Variants in SV2B observed in about 807,000 individuals in gnomAD.
SV2B encodes the protein solute carrier family 22 member B2.
Under a neutral mutation model 73.9 loss-of-function variants are expected in SV2B, and 41 were observed. The ratio of observed to expected loss-of-function variants is 0.56; its 90% confidence interval spans 0.43 to 0.72. The LOEUF is 0.72. Ranked by LOEUF, SV2B falls within the 30% of genes least tolerant of loss-of-function variation. SV2B has a pLI of 0.00. For synonymous variants in SV2B, 314 were observed against 314.2 expected (o/e 1.00, Z 0.01); for missense variants, 764 against 857.8 (o/e 0.89, Z 1.37).
At chr15:91,133,397 T>C (rs2042716247) in intron 1 of SV2B, among the ~76,000 whole-genome samples, 1 of 152,148 alleles carries the variant, frequency 6.6e-6, no homozygotes, top group South Asian at 2.1e-4. Context: ...TTCCTTTTTT[T>C]TTTGTTTTTG....
chr15:91,207,370 A>T (rs2045682939), intron 1 of SV2B, among the ~76,000 whole-genome samples: 1 of 152,016 alleles, frequency 6.6e-6, no homozygotes. Flanking sequence ...GGTGGGACTG[A>T]AGAATACCTT....
chr15:91,193,606 A>G (rs895865534), intron 1 of SV2B, among the ~76,000 whole-genome samples: 3 of 152,162 alleles, frequency 2.0e-5, no homozygotes, highest in Non-Finnish European at 4.4e-5. Flanking sequence ...ACATCCAAGT[A>G]TGTGAGAGAA....
At chr15:91,210,652 A>G (rs958595600) in intron 1 of SV2B, among the ~76,000 whole-genome samples, 1 of 152,142 alleles carries the variant, frequency 6.6e-6, no homozygotes, top group Non-Finnish European at 1.5e-5. Flanking sequence ...CTACATCTGT[A>G]TCCACAAAGT....
intron 1 of SV2B, among the ~76,000 whole-genome samples, chr15:91,103,441 G>T (rs1453407715): frequency 6.6e-6 from 1 of 152,176 alleles, no homozygotes; most frequent in Non-Finnish European, 1.5e-5. Flanking sequence ...GAGTTTCTAT[G>T]ATCATGGAAA....
intron 1 of SV2B, among the ~76,000 whole-genome samples, chr15:91,221,700 C>CGCGT: frequency 6.6e-6 from 1 of 151,476 alleles, no homozygotes; most frequent in African/African-American, 2.4e-5. Flanking sequence ...TGCGCACACA[C>CGCGT]ACACACACAC....
chr15:91,148,346 T>C (rs2043208861), intron 1 of SV2B, among the ~76,000 whole-genome samples: 1 of 152,128 alleles, frequency 6.6e-6, no homozygotes, highest in Non-Finnish European at 1.5e-5. Context: ...CTTTTAAAAA[T>C]GTATCTTTGA....
At position 91,130,592 on chromosome 15, in the gene SV2B, G is replaced by A. The variant is rs1332979518; in HGVS notation, c.-392+30229G>A. ...TGTCAGAGATTCCAAAGCAGGAGGG[G>A]TCTGACCAAGTAGGTGTTCACGGAG... On this transcript the variant is annotated intron_variant, in intron 1 of 12. Transcript: ENST00000394232. This position sits in a 1 kb window ranked among gnomAD's most constrained non-coding sequence, Gnocchi z 5.6. Among the ~76,000 whole-genome samples, 4 of 152,160 alleles carry A rather than the reference G, an allele frequency of 2.6e-5. No individual in the cohort carries two copies. The highest frequency in any genetic ancestry group is 5.9e-5 in the Non-Finnish European group (4 of 68,032).
Position 91,252,294 on chromosome 15 carries a change from A to T in SV2B, c.633-75A>T. The T allele has an allele frequency of 6.5e-7, 1 of 1,538,386 alleles. No homozygotes were observed. The highest frequency in any genetic ancestry group is 1.3e-5 in the South Asian group (1 of 78,956). ...CACCACAGAGCCTAAGGTGGGGTAT[A>T]GGCAACTTGGTTTCTGCTGTGACCA... On this transcript the variant is annotated intron_variant, in intron 3 of 12. Transcript: ENST00000394232. This position sits in a 1 kb window ranked among gnomAD's most constrained non-coding sequence, Gnocchi z 4.6.
intron 9 of SV2B, among the ~76,000 whole-genome samples, chr15:91,271,740 T>C (rs922436137): frequency 6.6e-6 from 1 of 152,140 alleles, no homozygotes; most frequent in Non-Finnish European, 1.5e-5. Context: ...TGGCTTCTTT[T>C]CTTGAGTTAT....
chr15:91,210,324 C>T (rs911693763), intron 1 of SV2B, among the ~76,000 whole-genome samples: 2 of 151,714 alleles, frequency 1.3e-5, no homozygotes, highest in Admixed American at 6.6e-5. Flanking sequence ...CAGCAGGGAC[C>T]GGGGTCCCGA....
In SV2B at chr15:91,231,292, C is replaced by T. The variant is rs1002763370; in HGVS notation, c.451+4578C>T. Among the ~76,000 whole-genome samples the T allele has an allele frequency of 6.6e-6, 1 of 151,960 alleles. No individual in the cohort carries two copies. Among genetic ancestry groups the T allele is most frequent in the Non-Finnish European group, 1.5e-5 (1 of 67,998 alleles). ...TTTAATGGGGAGCTATGAAATATGCCGTTGAGGAAGGAGGTGATAAGATGG... is the reference window on the plus strand; with the variant it reads ...TTTAATGGGGAGCTATGAAATATGCTGTTGAGGAAGGAGGTGATAAGATGG... On this transcript the variant is annotated intron_variant, in intron 2 of 12. Coordinates refer to ENST00000394232, the MANE Select transcript of SV2B (RefSeq NM_001323032.3). This position sits in a 1 kb window ranked among gnomAD's most constrained non-coding sequence, Gnocchi z 4.5.
intron 2 of SV2B, among the ~76,000 whole-genome samples, chr15:91,251,478 T>TGA (rs2047478011): frequency 1.3e-5 from 2 of 152,214 alleles, no homozygotes; most frequent in African/African-American, 4.8e-5. Context: ...ATCCACCAGT[T>TGA]GAGGGCTTTT....
chr15:91,102,856 C>G (rs1860766386), intron 1 of SV2B, among the ~76,000 whole-genome samples: 1 of 152,114 alleles, frequency 6.6e-6, no homozygotes, highest in African/African-American at 2.4e-5. Context: ...TGGTAAATGA[C>G]ATTTTACCAG....
intron 1 of SV2B, among the ~76,000 whole-genome samples, chr15:91,151,822 A>G (rs888806942): frequency 6.6e-6 from 1 of 152,178 alleles, no homozygotes; most frequent in Non-Finnish European, 1.5e-5. Context: ...GGCAAGAGTG[A>G]GATGGTTCAT....
intron 1 of SV2B, among the ~76,000 whole-genome samples, chr15:91,178,500 C>T (rs1333830743): frequency 4.6e-5 from 7 of 152,036 alleles, no homozygotes; most frequent in African/African-American, 1.5e-4. Context: ...TGGTAGAATT[C>T]GGCTGTGAAT....
chr15:91,132,313 C>T lies in SV2B; in HGVS notation c.-392+31950C>T, dbSNP rs1262653353. ...AGTCTGATTGGTTGCAGAAAGCAGCCAACCAGAGGCTGAAGTGAAGTTACA... is the reference window on the plus strand; with the variant it reads ...AGTCTGATTGGTTGCAGAAAGCAGCTAACCAGAGGCTGAAGTGAAGTTACA... On this transcript the variant is annotated intron_variant, in intron 1 of 12. Coordinates refer to ENST00000394232, the MANE Select transcript of SV2B (RefSeq NM_001323032.3). This position sits in a 1 kb window ranked among gnomAD's most constrained non-coding sequence, Gnocchi z 4.6. 6.6e-6 allele frequency among the ~76,000 whole-genome samples: 1 copy of T among 152,140 alleles called. No homozygotes were observed. The highest frequency in any genetic ancestry group is 2.4e-5 in the African/African-American group (1 of 41,436).
chr15:91,260,869 T>C (rs2047888449), intron 6 of SV2B, among the ~76,000 whole-genome samples: 1 of 152,184 alleles, frequency 6.6e-6, no homozygotes, highest in Non-Finnish European at 1.5e-5. Flanking sequence ...TCAGATCTCA[T>C]GAGACTTATT....
At chr15:91,209,107 G>GTT (rs1362781398) in intron 1 of SV2B, among the ~76,000 whole-genome samples, 10 of 121,948 alleles carry the variant, frequency 8.2e-5, no homozygotes, top group African/African-American at 2.9e-4. Flanking sequence ...TGGCAGTACT[G>GTT]TTTTTTGTTT....
rs140870303 is a variant in SV2B at position 91,267,620 on chromosome 15, G to C, written c.1185G>C (p.Val395=). The change falls in exon 8 of 13, where the codon GTG becomes GTC. Residue 395 remains valine, a synonymous_variant. Coordinates refer to ENST00000394232, the MANE Select transcript of SV2B (RefSeq NM_001323032.3). The surrounding 1 kb of genome is among the most constrained non-coding windows in gnomAD (Gnocchi z 4.3). ...PYRMNTLILA[V]VWFAMAFSYY... is the part of the protein sequence containing the mutation. ...GAATGAATACACTGATTCTGGCCGT[G>C]GTTTGGTTTGCCATGGCATTCAGGT... 6.1e-4 allele frequency: 985 copies of C among 1,612,756 alleles called. 4 individuals carry two copies. In the African/African-American group the frequency reaches 0.012, roughly 19 times the overall value.
Sources: allele counts gnomAD v4.1 joint callset (sites outside exome capture counted in the v4.1 genomes callset), GRCh38; gene constraint gnomAD v4.1.1; non-coding constraint Gnocchi (gnomAD v3.1); transcripts MANE v1.5; gene names NCBI Gene and HGNC (gene_info 2026-07-23, HGNC 2026-07-21).